Variants in LANCL2 observed in about 807,000 individuals in gnomAD.
The protein encoded by LANCL2 is lanC-like protein 2.
A neutral mutation model predicts 56.9 loss-of-function variants in LANCL2; 33 were observed. The ratio of observed to expected loss-of-function variants is 0.58; its 90% confidence interval spans 0.44 to 0.78. The LOEUF is 0.78. Among genes scored for constraint, LANCL2 ranks in the 30% least tolerant of loss-of-function variants. LANCL2 has a pLI of 0.00. For synonymous variants in LANCL2, 233 were observed against 228.2 expected (o/e 1.02, Z -0.19); for missense variants, 562 against 580.2 (o/e 0.97, Z 0.32).
intron 6 of LANCL2, among the ~76,000 whole-genome samples, chr7:55,420,504 G>A (rs758880865): frequency 5.9e-5 from 9 of 152,202 alleles, no homozygotes; most frequent in Non-Finnish European, 1.2e-4. Flanking sequence ...TCCCACGTGC[G>A]TTTGAATGGT....
intron 6 of LANCL2, among the ~76,000 whole-genome samples, chr7:55,417,376 T>A (rs946895527): frequency 1.3e-5 from 2 of 152,164 alleles, no homozygotes; most frequent in Non-Finnish European, 2.9e-5. Flanking sequence ...TTGGTTCCTC[T>A]ATCAAAAATC....
rs1583746464 is a variant in LANCL2 at position 55,384,680 on chromosome 7, G to A, written c.205-7113G>A. 2.6e-5 allele frequency among the ~76,000 whole-genome samples: 4 copies of A among 152,254 alleles called. No homozygotes were observed. The East Asian group carries it at 7.7e-4, about 29-fold the overall frequency. ...AAGAGCACATCTTGGTAGGAGCAGAGGAAAACAACACATTATATATAGGGA... is the reference window on the plus strand; with the variant it reads ...AAGAGCACATCTTGGTAGGAGCAGAAGAAAACAACACATTATATATAGGGA... On this transcript the variant is annotated intron_variant, in intron 1 of 8. Coordinates refer to ENST00000254770, the MANE Select transcript of LANCL2 (RefSeq NM_018697.4).
intron 1 of LANCL2, among the ~76,000 whole-genome samples, chr7:55,384,085 A>G (rs1790098846): frequency 6.6e-6 from 1 of 152,218 alleles, no homozygotes; most frequent in Non-Finnish European, 1.5e-5. Context: ...CAAAACAGAA[A>G]AAAAAAATGA....
intron 6 of LANCL2, among the ~76,000 whole-genome samples, chr7:55,421,151 T>C (rs1398389012): frequency 6.6e-6 from 1 of 152,174 alleles, no homozygotes; most frequent in African/African-American, 2.4e-5. Flanking sequence ...AGTGTTTTAA[T>C]TGGAATTAGT....
intron 8 of LANCL2, among the ~76,000 whole-genome samples, chr7:55,429,867 A>G (rs1790708886): frequency 6.6e-6 from 1 of 152,270 alleles, no homozygotes; most frequent in East Asian, 1.9e-4. Context: ...TGGCAGACAG[A>G]ACTGTGGGGG....
At chr7:55,381,508 C>G (rs1292857242) in intron 1 of LANCL2, among the ~76,000 whole-genome samples, 1 of 152,156 alleles carries the variant, frequency 6.6e-6, no homozygotes, top group Non-Finnish European at 1.5e-5. Context: ...GCTGCTGCCC[C>G]AGAAACAGAA....
intron 2 of LANCL2, among the ~76,000 whole-genome samples, chr7:55,394,770 A>G (rs1790230511): frequency 7.4e-6 from 1 of 134,244 alleles, no homozygotes. Context: ...GCAAATAGCT[A>G]TTCCAGGCAG....
intron 1 of LANCL2, among the ~76,000 whole-genome samples, chr7:55,376,445 T>G (rs769027402): frequency 6.6e-6 from 1 of 152,130 alleles, no homozygotes; most frequent in Non-Finnish European, 1.5e-5. Context: ...GGCCTTCTAG[T>G]CCACACATTG....
intron 5 of LANCL2, among the ~76,000 whole-genome samples, chr7:55,408,881 C>G (rs1056488142): frequency 6.7e-6 from 1 of 149,308 alleles, no homozygotes; most frequent in East Asian, 2.1e-4. Context: ...ACTCGGGAGG[C>G]TGAGGCAGGA....
At chr7:55,401,515 CTTTTTTT>C (rs58005456) in intron 5 of LANCL2, among the ~76,000 whole-genome samples, 195 bp downstream of exon 5, 2 of 58,046 alleles carry the variant, frequency 3.4e-5, no homozygotes, top group African/African-American at 7.2e-5. Flanking sequence ...GGTATGGAGT[CTTTTTTT>C]TTTTTTTTTT....
chr7:55,389,032 G>C (rs577424098), intron 1 of LANCL2, among the ~76,000 whole-genome samples: 1 of 152,322 alleles, frequency 6.6e-6, no homozygotes, highest in East Asian at 1.9e-4. Context: ...CTTCTTGTTT[G>C]TATGTTTTTC....
rs979576319 is a variant in LANCL2 at position 55,421,634 on chromosome 7, C to T, written c.1009-3620C>T. ...CTGGGATTACAGGTGTGAGCGCCAC[C>T]GTGCCTGGGCCTGTGTTAACTCTTT... On this transcript the variant is annotated intron_variant, in intron 6 of 8. Coordinates refer to ENST00000254770, the MANE Select transcript of LANCL2 (RefSeq NM_018697.4). Among the ~76,000 whole-genome samples, 9 of 151,248 alleles carry T rather than the reference C, an allele frequency of 6.0e-5. No homozygotes were observed. The South Asian group carries it at 6.3e-4, about 11-fold the overall frequency.
In LANCL2 at chr7:55,371,065, C is replaced by T. The variant is rs1171262076; in HGVS notation, c.204+4836C>T. 5.3e-5 allele frequency among the ~76,000 whole-genome samples: 8 copies of T among 152,168 alleles called. No individual in the cohort carries two copies. The East Asian group carries it at 1.5e-3, about 29-fold the overall frequency. On this transcript the variant is annotated intron_variant, in intron 1 of 8. Coordinates refer to ENST00000254770, the MANE Select transcript of LANCL2 (RefSeq NM_018697.4). Reference sequence around the variant, plus strand: ...TGAAATCTATTCACTTAGCGTGAATCCCACATCCAGTGCATTTTTATTACC... The same window carrying T: ...TGAAATCTATTCACTTAGCGTGAATTCCACATCCAGTGCATTTTTATTACC...
In LANCL2 at chr7:55,398,604, CTG is replaced by C; in HGVS notation, c.507_508del (p.Cys169Ter). The C allele has an allele frequency of 6.2e-7, 1 of 1,613,616 alleles. No homozygotes were observed. Among genetic ancestry groups the C allele is most frequent in the Non-Finnish European group, 8.5e-7 (1 of 1,179,854 alleles). On this transcript the variant is annotated frameshift_variant, in exon 3 of 9. Transcript: ENST00000254770. LOFTEE classifies it high-confidence loss of function. ...AVIYHKLRSD[C>X]ESQECVTKLL... ...TGATTTATCACAAACTCAGAAGTGA[CTG>C]TGAGTCCCAGGAATGTGTCACAAAG...
At chr7:55,394,755 A>G (rs536863921) in intron 2 of LANCL2, among the ~76,000 whole-genome samples, 1 of 110,248 alleles carries the variant, frequency 9.1e-6, no homozygotes, top group South Asian at 3.1e-4. Flanking sequence ...ACCCTCCCAG[A>G]ATCAGCAAAT....
chr7:55,372,832 G>A (rs1789958706), intron 1 of LANCL2, among the ~76,000 whole-genome samples: 1 of 152,104 alleles, frequency 6.6e-6, no homozygotes, highest in Non-Finnish European at 1.5e-5. Context: ...GGAAAATATG[G>A]TTAGATGTAC....
intron 5 of LANCL2, among the ~76,000 whole-genome samples, chr7:55,404,299 C>T (rs1487007204): frequency 6.6e-6 from 1 of 152,078 alleles, no homozygotes; most frequent in East Asian, 1.9e-4. Context: ...CACTGTTCTC[C>T]TCCTCCTCCT....
intron 1 of LANCL2, among the ~76,000 whole-genome samples, chr7:55,378,146 G>A (rs1790024008): frequency 6.6e-6 from 1 of 152,188 alleles, no homozygotes; most frequent in Non-Finnish European, 1.5e-5. Context: ...TAAGTGCTCA[G>A]TAATTGTTAG....
chr7:55,422,919 G>A (rs1328594122), intron 6 of LANCL2, among the ~76,000 whole-genome samples: 1 of 152,158 alleles, frequency 6.6e-6, no homozygotes, highest in Non-Finnish European at 1.5e-5. Context: ...TTGTAGCATG[G>A]GCGCACAGGC....
Sources: gnomAD v4.1 joint callset for allele counts (sites outside exome capture counted in the v4.1 genomes callset) on GRCh38, gnomAD v4.1.1 for gene constraint, MANE v1.5 for transcripts, NCBI Gene and HGNC (gene_info 2026-07-23, HGNC 2026-07-21) for gene names.